The following PARD3B variants were observed in gnomAD, a reference collection of about 807,000 sequenced individuals.
PARD3B encodes the protein partitioning defective 3 homolog B.
Under a neutral mutation model 130.2 loss-of-function variants are expected in PARD3B, and 103 were observed. That is an observed-to-expected ratio of 0.79 (90% CI 0.67 to 0.93). PARD3B has a LOEUF of 0.93. PARD3B is among the 40% of genes least tolerant of loss of function. The probability of loss-of-function intolerance (pLI) is 0.00; values close to 1 mark genes in which losing one functional copy is unlikely to be tolerated. For synonymous variants in PARD3B, 583 were observed against 553.2 expected, an observed-to-expected ratio of 1.05 and a Z score of -0.76; for missense variants, 1,609 against 1,499.2, an observed-to-expected ratio of 1.07 and a Z score of -1.21.
At chr2:205,220,793 A>G (rs377014283) in intron 15 of PARD3B, among the ~76,000 whole-genome samples, 2 of 152,276 alleles carry the variant, frequency 1.3e-5, no homozygotes, top group African/African-American at 4.8e-5. Flanking sequence ...CTTTGTGGCT[A>G]TCTGTGAGAA....
chr2:205,357,747 G>C (rs987255681), intron 18 of PARD3B, among the ~76,000 whole-genome samples: 1 of 152,184 alleles, frequency 6.6e-6, no homozygotes, highest in African/African-American at 2.4e-5. Flanking sequence ...ATCTGTAGTG[G>C]TTATTAGAAG....
At chr2:205,221,736 CTG>C (rs1553642146) in intron 15 of PARD3B, among the ~76,000 whole-genome samples, 3 of 140,434 alleles carry the variant, frequency 2.1e-5, no homozygotes, top group Admixed American at 7.4e-5. Context: ...CTCTCTCTCT[CTG>C]TCTGTCTGTC....
At chr2:205,144,273 T>G (rs1241037881) in intron 10 of PARD3B, among the ~76,000 whole-genome samples, 2 of 152,210 alleles carry the variant, frequency 1.3e-5, no homozygotes, top group Non-Finnish European at 2.9e-5. Flanking sequence ...AATTCATAGC[T>G]TGGAGGCAAG....
At chr2:205,294,423 C>T (rs2041716492) in intron 16 of PARD3B, among the ~76,000 whole-genome samples, 1 of 151,986 alleles carries the variant, frequency 6.6e-6, no homozygotes, top group Admixed American at 6.6e-5. Context: ...AATCTGAGTT[C>T]AGGAAAGAAA....
intron 21 of PARD3B, among the ~76,000 whole-genome samples, chr2:205,520,835 A>T (rs4140720): frequency 0.4 from 61,189 of 151,766 alleles, 12,864 homozygotes; most frequent in Admixed American, 0.5. Flanking sequence ...TTAATGTTTA[A>T]TGCATAGTAT....
At chr2:204,912,802 T>G (rs781305633) in intron 2 of PARD3B, among the ~76,000 whole-genome samples, 1 of 152,210 alleles carries the variant, frequency 6.6e-6, no homozygotes, top group Non-Finnish European at 1.5e-5. Context: ...TTCCTTCTCT[T>G]AACATTACTG....
intron 2 of PARD3B, among the ~76,000 whole-genome samples, chr2:204,718,319 A>G (rs888972293): frequency 6.6e-6 from 1 of 152,136 alleles, no homozygotes; most frequent in African/African-American, 2.4e-5. Context: ...TGGGTAATTT[A>G]TAAAGAAAGG....
rs891250478 is a variant in PARD3B, at chr2:205,142,495, G to A, written c.1435-16227G>A. Among the ~76,000 whole-genome samples the A allele has an allele frequency of 1.3e-5, 2 of 152,104 alleles. No individual in the cohort carries two copies. The highest frequency in any genetic ancestry group is 2.9e-5 in the Non-Finnish European group (2 of 68,034). Reference sequence around the variant, plus strand: ...ATCGCATAACGAATACTTACTAGATGCATACATTCTGCTGGATGCTAAACA... The same window carrying A: ...ATCGCATAACGAATACTTACTAGATACATACATTCTGCTGGATGCTAAACA... On this transcript the variant is annotated intron_variant, in intron 10 of 22. Transcript: ENST00000406610. This position sits in a 1 kb window ranked among gnomAD's most constrained non-coding sequence, Gnocchi z 4.3.
chr2:205,614,226 G>C (rs866151371), intron 22 of PARD3B, among the ~76,000 whole-genome samples: 1 of 152,158 alleles, frequency 6.6e-6, no homozygotes, highest in Non-Finnish European at 1.5e-5. Flanking sequence ...GAAGATGCTT[G>C]TTTTCTTTAG....
rs2106354548 is a variant in PARD3B at position 205,505,040 on chromosome 2, C to A, written c.3180+5009C>A. On this transcript the variant is annotated intron_variant, in intron 21 of 22. Coordinates refer to ENST00000406610, the MANE Select transcript of PARD3B (RefSeq NM_001302769.2). Reference sequence around the variant, plus strand: ...ATTAAGAAAATGTGGCACATATACACCATGGAAAACTATGCAGCCATAAAA... The same window carrying A: ...ATTAAGAAAATGTGGCACATATACAACATGGAAAACTATGCAGCCATAAAA... Among the ~76,000 whole-genome samples the A allele has an allele frequency of 2.6e-5, 4 of 152,308 alleles. No individual in the cohort carries two copies. The South Asian group carries it at 8.3e-4, about 32-fold the overall frequency.
chr2:204,550,622 T>C (rs369605668), intron 1 of PARD3B, among the ~76,000 whole-genome samples: 1 of 152,234 alleles, frequency 6.6e-6, no homozygotes, highest in Admixed American at 6.5e-5. Context: ...GAGTACACCC[T>C]TTTTTGGAAA....
At chr2:205,355,894 A>T (rs1022877075) in intron 18 of PARD3B, among the ~76,000 whole-genome samples, 5 of 152,166 alleles carry the variant, frequency 3.3e-5, no homozygotes, top group African/African-American at 1.2e-4. Flanking sequence ...AAACCATCAG[A>T]TCCCATGAGA....
At chr2:204,978,829 TG>T (rs895108011) in intron 3 of PARD3B, among the ~76,000 whole-genome samples, 1 of 151,776 alleles carries the variant, frequency 6.6e-6, no homozygotes, top group Non-Finnish European at 1.5e-5. Flanking sequence ...CCAGGCATGG[TG>T]GTGGGCACCT....
Position 205,460,260 on chromosome 2 carries a change from A to G in PARD3B, c.3044+19588A>G, listed in dbSNP as rs2048404594. 1.3e-5 allele frequency among the ~76,000 whole-genome samples: 2 copies of G among 152,166 alleles called. No individual in the cohort carries two copies. Among genetic ancestry groups the G allele is most frequent in the Admixed American group, 1.3e-4 (2 of 15,270 alleles). On this transcript the variant is annotated intron_variant, in intron 20 of 22. Coordinates refer to ENST00000406610, the MANE Select transcript of PARD3B (RefSeq NM_001302769.2). This position sits in a 1 kb window ranked among gnomAD's most constrained non-coding sequence, Gnocchi z 4.9. ...AGGATATGCAGTTCGTAAATTTCCT[A>G]CTGGGTCATTTTTTTTCTGAGAGGG...
intron 22 of PARD3B, among the ~76,000 whole-genome samples, chr2:205,570,064 G>T (rs1375991461): frequency 6.6e-6 from 1 of 152,096 alleles, no homozygotes; most frequent in East Asian, 1.9e-4. Flanking sequence ...ATGCAGTTTT[G>T]CTGGAAGGAG....
chr2:205,059,667 C>G (rs1428390721), intron 4 of PARD3B, among the ~76,000 whole-genome samples: 1 of 152,054 alleles, frequency 6.6e-6, no homozygotes, highest in Non-Finnish European at 1.5e-5. Context: ...GCTTGAATTT[C>G]CTTCCACATT....
At chr2:204,564,887 G>A (rs1007433787) in intron 1 of PARD3B, among the ~76,000 whole-genome samples, 9 of 152,186 alleles carry the variant, frequency 5.9e-5, no homozygotes, top group Non-Finnish European at 1.2e-4. Context: ...GTAAGTTATA[G>A]TTTCTTTTTC....
rs1481872420 is a variant in PARD3B at position 204,998,333 on chromosome 2, T to TACACAC, written c.394+33011_394+33012insCACACA. Among the ~76,000 whole-genome samples, 8 of 39,036 alleles carry TACACAC rather than the reference T, an allele frequency of 2.0e-4. No homozygotes were observed. The East Asian group carries it at 7.6e-3, about 37-fold the overall frequency. 25.6% of individuals were successfully genotyped at this position (39,036 alleles called of 152,430 possible). A position where few individuals can be genotyped will look rare whatever the true frequency, so the allele number is the denominator to read the frequency against. On this transcript the variant is annotated intron_variant, in intron 3 of 22. Coordinates refer to ENST00000406610, the MANE Select transcript of PARD3B (RefSeq NM_001302769.2). Reference sequence around the variant, plus strand: ...TAAAGTATATATATATATATATATATATATATATATATATATATATATATA... The same window carrying TACACAC: ...TAAAGTATATATATATATATATATATACACACATATATATATATATATATATATATA...
At chr2:205,308,659 A>G (rs1364427423) in intron 18 of PARD3B, among the ~76,000 whole-genome samples, 1 of 151,970 alleles carries the variant, frequency 6.6e-6, no homozygotes, top group Non-Finnish European at 1.5e-5. Flanking sequence ...GCAAAATATT[A>G]CATAAACATG....
Sources: allele counts gnomAD v4.1 joint callset (sites outside exome capture counted in the v4.1 genomes callset), GRCh38; gene constraint gnomAD v4.1.1; non-coding constraint Gnocchi (gnomAD v3.1); transcripts MANE v1.5; gene names NCBI Gene and HGNC (gene_info 2026-07-23, HGNC 2026-07-21).